Variants in SLC41A3 observed in about 807,000 individuals in gnomAD.
SLC41A3 encodes SLC41A1-like 2.
In SLC41A3, 44 loss-of-function variants were observed where a neutral mutation model predicts 45.4. That is an observed-to-expected ratio of 0.97 (90% CI 0.76 to 1.25). SLC41A3 has a LOEUF of 1.25. Among genes scored for constraint, SLC41A3 ranks in the 50% most tolerant of loss-of-function variants. The pLI is 0.00. For synonymous variants in SLC41A3, 256 were observed against 252.4 expected (o/e 1.01, Z -0.13); for missense variants, 550 against 600.6 (o/e 0.92, Z 0.88).
At chr3:126,028,823 T>C (rs944304337) in intron 4 of SLC41A3, among the ~76,000 whole-genome samples, 1 of 152,246 alleles carries the variant, frequency 6.6e-6, no homozygotes, top group African/African-American at 2.4e-5. Context: ...CTTGCACCAA[T>C]GTGCCCTAGA....
chr3:126,031,476 C>T (rs1322514293), intron 4 of SLC41A3, among the ~76,000 whole-genome samples: 1 of 152,176 alleles, frequency 6.6e-6, no homozygotes, highest in Non-Finnish European at 1.5e-5. Context: ...TGAGTGGACT[C>T]CCAGGGGACC....
At chr3:126,087,356 TAAAC>T (rs1437053448), upstream of SLC41A3, among the ~76,000 whole-genome samples, 2 of 152,058 alleles carry the variant, frequency 1.3e-5, no homozygotes, top group African/African-American at 2.4e-5. Flanking sequence ...ATAATCCAGG[TAAAC>T]AAATAAATTA....
chr3:126,050,160 T>C (rs1268030721), intron 3 of SLC41A3, among the ~76,000 whole-genome samples: 1 of 152,206 alleles, frequency 6.6e-6, no homozygotes. Context: ...TGGTTATCTC[T>C]GGGGCCACTG....
chr3:126,014,664 A>G (rs1940085657), intron 8 of SLC41A3, among the ~76,000 whole-genome samples: 1 of 152,212 alleles, frequency 6.6e-6, no homozygotes. Flanking sequence ...ATGGTCCCCT[A>G]AGGGAGCAAG....
intron 1 of SLC41A3, among the ~76,000 whole-genome samples, chr3:126,099,698 A>G (rs1945670885): frequency 6.6e-6 from 1 of 152,172 alleles, no homozygotes. Context: ...CTAAATAAAT[A>G]AATAAAGAGG....
At chr3:126,012,890 C>A (rs1939868305) in intron 8 of SLC41A3, 141 bp from the exon 9 acceptor site, 2 of 1,314,868 alleles carry the variant, frequency 1.5e-6, no homozygotes, top group African/African-American at 2.9e-5. Context: ...TCCCACTTGA[C>A]CACAGATCTT....
At chr3:126,082,597 C>G (rs1945213653) in intron 1 of SLC41A3, among the ~76,000 whole-genome samples, 1 of 152,306 alleles carries the variant, frequency 6.6e-6, no homozygotes, top group African/African-American at 2.4e-5. Context: ...CAGCTGCCAG[C>G]ATGGGGTTGG....
At chr3:126,038,347 A>G (rs1942355430) in intron 3 of SLC41A3, among the ~76,000 whole-genome samples, 2 of 152,204 alleles carry the variant, frequency 1.3e-5, no homozygotes, top group African/African-American at 4.8e-5. Context: ...GTGCCTGGAA[A>G]AGCTGCAGGC....
intron 6 of SLC41A3, among the ~76,000 whole-genome samples, chr3:126,021,008 C>T (rs1433628875): frequency 6.6e-6 from 1 of 152,106 alleles, no homozygotes; most frequent in Non-Finnish European, 1.5e-5. Context: ...CATTCTCCTG[C>T]CTCAGCCTGC....
intron 9 of SLC41A3, among the ~76,000 whole-genome samples, chr3:126,010,464 C>A (rs543189323): frequency 9.2e-4 from 140 of 152,152 alleles, no homozygotes; most frequent in African/African-American, 3.3e-3. Context: ...AGAGTGAGAC[C>A]CTGTCTCAAA....
chr3:126,011,902 T>C (rs1939750192), intron 9 of SLC41A3, among the ~76,000 whole-genome samples: 1 of 142,902 alleles, frequency 7.0e-6, no homozygotes, highest in Non-Finnish European at 1.6e-5. Context: ...TCCAAAACAA[T>C]GTAACAGGAA....
chr3:126,041,348 T>A (rs555532643), intron 3 of SLC41A3, among the ~76,000 whole-genome samples: 15 of 152,250 alleles, frequency 9.9e-5, no homozygotes, highest in South Asian at 6.2e-4. Flanking sequence ...GTCTTTAGAT[T>A]GAAAAACTCC....
intron 3 of SLC41A3, among the ~76,000 whole-genome samples, chr3:126,044,751 C>T (rs1288687261): frequency 6.6e-6 from 1 of 151,414 alleles, no homozygotes; most frequent in African/African-American, 2.4e-5. Flanking sequence ...AAAAAATTAG[C>T]CGGGCGTAGT....
chr3:126,091,306 C>T (rs139829548), intron 1 of SLC41A3, among the ~76,000 whole-genome samples: 220 of 152,214 alleles, frequency 1.4e-3, no homozygotes, highest in African/African-American at 4.9e-3. Context: ...GTCCTGAGAA[C>T]GTGTGCCTTA....
chr3:126,062,209 C>G (rs1944108311), intron 2 of SLC41A3, among the ~76,000 whole-genome samples: 1 of 152,188 alleles, frequency 6.6e-6, no homozygotes, highest in Admixed American at 6.5e-5. Context: ...GGATTACCAC[C>G]ACCTTAATGG....
chr3:126,043,849 G>C (rs867825764), intron 3 of SLC41A3, among the ~76,000 whole-genome samples: 1 of 145,534 alleles, frequency 6.9e-6, no homozygotes, highest in African/African-American at 2.5e-5. Flanking sequence ...ACACCCCAGA[G>C]GAAGGCAATA....
At chr3:126,009,334 CAGCGCTGGTGA>C (rs1939456955) in intron 9 of SLC41A3, among the ~76,000 whole-genome samples, 1 of 152,166 alleles carries the variant, frequency 6.6e-6, no homozygotes, top group Admixed American at 6.5e-5. Context: ...TCACTCAGTG[CAGCGCTGGTGA>C]TCTGGGGAGG....
intron 4 of SLC41A3, among the ~76,000 whole-genome samples, chr3:126,028,328 C>A (rs201636795): frequency 1.3e-5 from 1 of 77,962 alleles, no homozygotes; most frequent in African/African-American, 5.3e-5. Flanking sequence ...TGTCCCATGT[C>A]CCAGTCGCTC....
intron 6 of SLC41A3, among the ~76,000 whole-genome samples, chr3:126,019,026 G>A (rs911791459): frequency 2.1e-4 from 32 of 152,162 alleles, no homozygotes; most frequent in African/African-American, 6.3e-4. Flanking sequence ...CAGAACACTC[G>A]AAACTGGGTA....
Sources: allele counts gnomAD v4.1 joint callset (sites outside exome capture counted in the v4.1 genomes callset), GRCh38; gene constraint gnomAD v4.1.1; transcripts MANE v1.5; gene names NCBI Gene and HGNC (gene_info 2026-07-23, HGNC 2026-07-21).